RHOJ: variants seen among roughly 807,000 people sequenced by gnomAD.
RHOJ encodes rho-related GTP-binding protein RhoJ.
A neutral mutation model predicts 23.4 loss-of-function variants in RHOJ; 11 were observed. The observed-to-expected ratio is 0.47, with a 90% CI of 0.30 to 0.78. RHOJ has a LOEUF of 0.78. Ranked by LOEUF, RHOJ falls within the 30% of genes least tolerant of loss-of-function variation. RHOJ has a pLI of 0.08. For synonymous variants in RHOJ, 102 were observed against 102.7 expected (o/e 0.99, Z 0.04); for missense variants, 254 against 273.4 (o/e 0.93, Z 0.50).
At chr14:63,281,664 T>C (rs28401554) in intron 3 of RHOJ, among the ~76,000 whole-genome samples, 2,845 of 152,284 alleles carry the variant, frequency 0.019, 81 homozygotes, top group African/African-American at 0.062. Flanking sequence ...AGAGAAGAAG[T>C]TAAAACACAT....
chr14:63,284,887 A>G (rs11851645), intron 4 of RHOJ, among the ~76,000 whole-genome samples: 9,710 of 151,996 alleles, frequency 0.064, 858 homozygotes, highest in African/African-American at 0.19. Context: ...CTCGTTTCAT[A>G]CTTATTTTTG....
chr14:63,255,589 C>G (rs1895149272), intron 1 of RHOJ, among the ~76,000 whole-genome samples: 1 of 151,272 alleles, frequency 6.6e-6, no homozygotes, highest in African/African-American at 2.4e-5. Context: ...TTACCCTCCC[C>G]CACTCCATGC....
At chr14:63,223,524 G>C (rs942256720) in intron 1 of RHOJ, among the ~76,000 whole-genome samples, 2 of 152,070 alleles carry the variant, frequency 1.3e-5, no homozygotes, top group Non-Finnish European at 2.9e-5. Flanking sequence ...AGAGTTTCAT[G>C]GGAAAGTTAT....
At chr14:63,209,340 C>T (rs1158165951) in intron 1 of RHOJ, among the ~76,000 whole-genome samples, 1 of 152,274 alleles carries the variant, frequency 6.6e-6, no homozygotes, top group East Asian at 1.9e-4. Context: ...ATGACTCAGT[C>T]CCTGTTATCT....
At chr14:63,252,198 C>T (rs1018671692) in intron 1 of RHOJ, among the ~76,000 whole-genome samples, 6 of 152,166 alleles carry the variant, frequency 3.9e-5, no homozygotes, top group Admixed American at 2.6e-4. Context: ...TTGCCTTTCC[C>T]AGTGTCTAGA....
intron 1 of RHOJ, among the ~76,000 whole-genome samples, chr14:63,217,077 C>G (rs972118281): frequency 2.6e-5 from 1 of 38,570 alleles, no homozygotes; most frequent in Non-Finnish European, 8.3e-5. Flanking sequence ...CTTTTTTTTT[C>G]TTTTTTTCTT....
chr14:63,230,834 T>A (rs1894679127), intron 1 of RHOJ, among the ~76,000 whole-genome samples: 1 of 145,358 alleles, frequency 6.9e-6, no homozygotes, highest in African/African-American at 2.6e-5. Flanking sequence ...TTTACAAGGG[T>A]ACAAGGCTTT....
intron 1 of RHOJ, among the ~76,000 whole-genome samples, chr14:63,255,195 C>T (rs1420820152): frequency 8.5e-5 from 13 of 152,168 alleles, no homozygotes; most frequent in Admixed American, 3.3e-4. Flanking sequence ...TTGGGAGGTT[C>T]TTCCCACAGC....
At chr14:63,253,280 T>C (rs1895104364) in intron 1 of RHOJ, among the ~76,000 whole-genome samples, 2 of 152,316 alleles carry the variant, frequency 1.3e-5, no homozygotes, top group Middle Eastern at 3.4e-3. Flanking sequence ...TTAGATAATT[T>C]TTTTTAGAGG....
chr14:63,249,683 G>C (rs1360693935), intron 1 of RHOJ, among the ~76,000 whole-genome samples: 1 of 152,138 alleles, frequency 6.6e-6, no homozygotes, highest in African/African-American at 2.4e-5. Flanking sequence ...TTGAATGCTG[G>C]ATTTATTTCT....
At chr14:63,244,121 G>A (rs899838132) in intron 1 of RHOJ, among the ~76,000 whole-genome samples, 4 of 152,074 alleles carry the variant, frequency 2.6e-5, no homozygotes, top group Admixed American at 6.6e-5. Context: ...ATAGAGCTTC[G>A]ACTTCATAGA....
intron 1 of RHOJ, among the ~76,000 whole-genome samples, chr14:63,242,965 G>T (rs1389381530): frequency 1.3e-5 from 2 of 152,030 alleles, no homozygotes; most frequent in African/African-American, 4.8e-5. Context: ...TCAATATGTT[G>T]TGTCATCCAC....
At chr14:63,234,114 C>T (rs1411733075) in intron 1 of RHOJ, among the ~76,000 whole-genome samples, 1 of 152,226 alleles carries the variant, frequency 6.6e-6, no homozygotes, top group Non-Finnish European at 1.5e-5. Context: ...TCTTTTAATA[C>T]ACAACTCAAA....
intron 1 of RHOJ, among the ~76,000 whole-genome samples, chr14:63,206,519 G>A (rs1383296105): frequency 6.6e-6 from 1 of 152,182 alleles, no homozygotes; most frequent in Non-Finnish European, 1.5e-5. Context: ...CCAAGAAAGG[G>A]AAAGTGGCTA....
intron 2 of RHOJ, among the ~76,000 whole-genome samples, chr14:63,270,980 T>G (rs990521841): frequency 1.3e-5 from 2 of 152,186 alleles, no homozygotes; most frequent in African/African-American, 2.4e-5. Context: ...CTTGTGGAGT[T>G]TAATTATTTT....
In RHOJ at chr14:63,247,490, A is replaced by C. The variant is rs74059335; in HGVS notation, c.179-21620A>C. 3.3e-3 allele frequency among the ~76,000 whole-genome samples: 497 copies of C among 152,354 alleles called. 3 individuals carry two copies. The highest frequency in any genetic ancestry group is 0.012 in the African/African-American group (483 of 41,592). On this transcript the variant is annotated intron_variant, in intron 1 of 4. Coordinates refer to ENST00000316754, the MANE Select transcript of RHOJ (RefSeq NM_020663.5). Reference sequence around the variant, plus strand: ...AAAAAATATACAGAAAAAATAAAGAAACTATAATCTTAGAAGAAATGATGG... The same window carrying C: ...AAAAAATATACAGAAAAAATAAAGACACTATAATCTTAGAAGAAATGATGG...
At chr14:63,247,761 T>G (rs958757567) in intron 1 of RHOJ, among the ~76,000 whole-genome samples, 3 of 152,174 alleles carry the variant, frequency 2.0e-5, no homozygotes, top group Non-Finnish European at 4.4e-5. Context: ...AATCAAGTAT[T>G]GTATTAGTCT....
chr14:63,255,457 C>T (rs1895146362), intron 1 of RHOJ, among the ~76,000 whole-genome samples: 1 of 152,172 alleles, frequency 6.6e-6, no homozygotes, highest in Admixed American at 6.5e-5. Flanking sequence ...AGACCAGTAG[C>T]AAGGGCACTA....
chr14:63,278,834 A>G (rs1026032058), intron 2 of RHOJ, among the ~76,000 whole-genome samples: 1 of 151,990 alleles, frequency 6.6e-6, no homozygotes, highest in African/African-American at 2.4e-5. Context: ...AAAAAAATAA[A>G]AATTGGCTGG....
Sources: gnomAD v4.1 joint callset for allele counts (sites outside exome capture counted in the v4.1 genomes callset) on GRCh38, gnomAD v4.1.1 for gene constraint, MANE v1.5 for transcripts, NCBI Gene and HGNC (gene_info 2026-07-23, HGNC 2026-07-21) for gene names.